Variants in SMOC1 observed in about 807,000 individuals in gnomAD.
SMOC1 encodes SPARC-related modular calcium-binding protein 1.
SMOC1 carries 22 observed loss-of-function variants against 56.3 expected under a neutral mutation model. The observed-to-expected ratio is 0.39, with a 90% CI of 0.28 to 0.56. The LOEUF (loss-of-function observed/expected upper bound fraction) is 0.56. Ranked by LOEUF, SMOC1 falls within the 20% of genes least tolerant of loss-of-function variation. SMOC1 has a pLI of 0.61. For synonymous variants in SMOC1, 193 were observed against 215.0 expected (o/e 0.90, Z 0.89); for missense variants, 509 against 565.4 (o/e 0.90, Z 1.01).
intron 1 of SMOC1, chr14:69,886,025 A>G (rs1280326098): frequency 1.6e-5 from 25 of 1,584,726 alleles, no homozygotes; most frequent in African/African-American, 5.4e-5. Context: ...TCCAATGCCA[A>G]AATTCTTAGG....
In SMOC1 at chr14:69,905,983, G is replaced by A. The variant is rs1050535373; in HGVS notation, c.99+26206G>A. ...AATCACCAATGTGTAGATGGGAGTC[G>A]GTGTGGATAAAATTGACCAGGGAAA... On this transcript the variant is annotated intron_variant, in intron 1 of 11. Transcript: ENST00000361956. Among the ~76,000 whole-genome samples, 6 of 152,200 alleles carry A rather than the reference G, an allele frequency of 3.9e-5. No homozygotes were observed. The South Asian group carries it at 6.2e-4, about 16-fold the overall frequency.
chr14:69,954,820 G>A (rs1398540756), intron 3 of SMOC1, among the ~76,000 whole-genome samples: 2 of 152,206 alleles, frequency 1.3e-5, no homozygotes, highest in East Asian at 3.8e-4. Context: ...CTCGATCAAT[G>A]TGGCAAAGGG....
chr14:70,016,921 C>T (rs1429810868), intron 10 of SMOC1, among the ~76,000 whole-genome samples: 1 of 152,186 alleles, frequency 6.6e-6, no homozygotes, highest in Non-Finnish European at 1.5e-5. Context: ...TTAACTCAGC[C>T]TAGCATATAT....
chr14:69,992,748 T>C (rs963466346), intron 6 of SMOC1, among the ~76,000 whole-genome samples: 1 of 152,166 alleles, frequency 6.6e-6, no homozygotes, highest in Admixed American at 6.5e-5. Flanking sequence ...GACAGACCCT[T>C]GGAGCTGCCA....
chr14:69,980,071 G>T (rs1237600247), intron 5 of SMOC1, among the ~76,000 whole-genome samples: 1 of 152,204 alleles, frequency 6.6e-6, no homozygotes, highest in Non-Finnish European at 1.5e-5. Context: ...AAGTGGGGGG[G>T]TGAGGGTGGC....
intron 3 of SMOC1, among the ~76,000 whole-genome samples, chr14:69,974,266 G>A (rs1883879584): frequency 6.6e-6 from 1 of 152,086 alleles, no homozygotes; most frequent in Non-Finnish European, 1.5e-5. Flanking sequence ...AGGGTGTGTG[G>A]GAGGATCAGA....
intron 1 of SMOC1, among the ~76,000 whole-genome samples, chr14:69,950,101 T>TCAGGTGTGACCTGTGA (rs1882938164): frequency 6.6e-6 from 1 of 152,216 alleles, no homozygotes; most frequent in Non-Finnish European, 1.5e-5. Context: ...TGGGCAAGAT[T>TCAGGTGTGACCTGTGA]CAGGTGTGAC....
rs115115583 is a variant in SMOC1, at chr14:69,932,021, G to A, written c.100-20117G>A. Among the ~76,000 whole-genome samples, 799 of 152,362 alleles carry A rather than the reference G, an allele frequency of 5.2e-3. 6 individuals carry two copies. The highest frequency in any genetic ancestry group is 0.018 in the African/African-American group (739 of 41,584). On this transcript the variant is annotated intron_variant, in intron 1 of 11. Coordinates refer to ENST00000361956, the MANE Select transcript of SMOC1 (RefSeq NM_001034852.3). ...CCAGGGCCAAAGCCATGGAGCATCC[G>A]CCTGTTCTGGCAGTCCAAAGAGTGG...
At chr14:69,970,502 C>T (rs1883721176) in intron 3 of SMOC1, among the ~76,000 whole-genome samples, 1 of 152,214 alleles carries the variant, frequency 6.6e-6, no homozygotes, top group African/African-American at 2.4e-5. Context: ...GAACAAATAA[C>T]TTCTGCTCTC....
chr14:69,902,959 G>A (rs936333806), intron 1 of SMOC1, among the ~76,000 whole-genome samples: 3 of 152,220 alleles, frequency 2.0e-5, no homozygotes, highest in East Asian at 1.9e-4. Context: ...GCGTGATCTC[G>A]GCTCGCTGCA....
intron 3 of SMOC1, among the ~76,000 whole-genome samples, chr14:69,959,067 T>G (rs1883283263): frequency 6.6e-6 from 1 of 152,236 alleles, no homozygotes; most frequent in Non-Finnish European, 1.5e-5. Flanking sequence ...AACAGTTAAG[T>G]CTAACCCTCT....
chr14:69,944,815 A>G (rs1338696071), intron 1 of SMOC1, among the ~76,000 whole-genome samples: 3 of 152,252 alleles, frequency 2.0e-5, no homozygotes, highest in Non-Finnish European at 4.4e-5. Context: ...TTCATTGGGA[A>G]TGAATTCCAT....
At chr14:69,899,937 A>G (rs976109902) in intron 1 of SMOC1, among the ~76,000 whole-genome samples, 4 of 152,208 alleles carry the variant, frequency 2.6e-5, no homozygotes. Context: ...TTTTGGGGGC[A>G]GTGGTTTGCC....
At chr14:69,993,998 C>T (rs1042584467) in intron 6 of SMOC1, among the ~76,000 whole-genome samples, 15 of 152,136 alleles carry the variant, frequency 9.9e-5, no homozygotes, top group East Asian at 3.9e-4. Context: ...TCGGCTCAGC[C>T]GTTTCCCCTA....
chr14:70,028,354 TC>T (rs1260208544), intron 11 of SMOC1, among the ~76,000 whole-genome samples: 1 of 152,130 alleles, frequency 6.6e-6, no homozygotes, highest in Non-Finnish European at 1.5e-5. Flanking sequence ...TCTTCCATCC[TC>T]CCTGATGGCT....
intron 1 of SMOC1, among the ~76,000 whole-genome samples, chr14:69,911,207 C>G (rs1566670228): frequency 1.3e-5 from 2 of 152,114 alleles, no homozygotes; most frequent in African/African-American, 4.8e-5. Context: ...CTGTCTACCA[C>G]TGTGTTAGAT....
At chr14:69,928,696 TG>T (rs1157066046) in intron 1 of SMOC1, among the ~76,000 whole-genome samples, 4 of 152,160 alleles carry the variant, frequency 2.6e-5, no homozygotes, top group Non-Finnish European at 5.9e-5. Flanking sequence ...CATATCAATT[TG>T]GGAGGAAAGT....
chr14:69,938,772 T>C (rs892853961), intron 1 of SMOC1, among the ~76,000 whole-genome samples: 9 of 152,194 alleles, frequency 5.9e-5, no homozygotes, highest in Admixed American at 5.9e-4. Flanking sequence ...GGAGGTCTTA[T>C]GTCTGGTGAT....
intron 1 of SMOC1, among the ~76,000 whole-genome samples, chr14:69,937,502 T>C (rs1197850626): frequency 1.3e-5 from 2 of 152,220 alleles, no homozygotes; most frequent in African/African-American, 4.8e-5. Flanking sequence ...CATGGTTTTA[T>C]TTACTTTTCC....
Sources: gnomAD v4.1 joint callset for allele counts (sites outside exome capture counted in the v4.1 genomes callset) on GRCh38, gnomAD v4.1.1 for gene constraint, MANE v1.5 for transcripts, NCBI Gene and HGNC (gene_info 2026-07-23, HGNC 2026-07-21) for gene names.